The following HMCN2 variants were observed in gnomAD, a reference collection of about 807,000 sequenced individuals.
HMCN2 encodes the protein hemicentin-2.
Under a neutral mutation model 377.5 loss-of-function variants are expected in HMCN2, and 325 were observed. The observed-to-expected ratio is 0.86, with a 90% CI of 0.79 to 0.94. HMCN2 has a LOEUF of 0.94. HMCN2 is among the 40% of genes least tolerant of loss of function. The pLI is 0.00. For synonymous variants in HMCN2, 2,007 were observed against 2,046.8 expected (o/e 0.98, Z 0.53); for missense variants, 4,543 against 4,725.3 (o/e 0.96, Z 1.13).
intron 1 of HMCN2, among the ~76,000 whole-genome samples, chr9:130,268,004 C>T (rs1176133809): frequency 6.6e-6 from 1 of 152,232 alleles, no homozygotes; most frequent in African/African-American, 2.4e-5. Context: ...GTTGGAAAAA[C>T]TGAGGCTCAG....
In HMCN2 at chr9:130,397,483, C is replaced by A. The variant is rs991605356; in HGVS notation, c.11199-45C>A. 4 of 1,284,542 alleles carry A rather than the reference C, an allele frequency of 3.1e-6. No homozygotes were observed. In the African/African-American group the frequency reaches 6.1e-5, roughly 20 times the overall value. The allele number at this position is 1,284,542 out of a possible 1,614,324, so 79.6% of individuals were successfully genotyped here. ...TTGCTAGAGACAGCCTTGCTCCAGA[C>A]CCCACTGGCTTGCTCATCTCCAGGG... On this transcript the variant is annotated intron_variant, in intron 73 of 97. Coordinates refer to ENST00000683500, the MANE Select transcript of HMCN2 (RefSeq NM_001291815.2).
intron 85 of HMCN2, 124 bp downstream of exon 85, chr9:130,410,776 G>A: frequency 2.5e-6 from 2 of 788,998 alleles, no homozygotes; most frequent in Non-Finnish European, 4.3e-6. Flanking sequence ...TACTTACTTG[G>A]AACACACACT....
At chr9:130,429,820 T>A (rs1266133661) in intron 94 of HMCN2, 135 bp downstream of exon 94, 2 of 1,401,652 alleles carry the variant, frequency 1.4e-6, no homozygotes, top group Non-Finnish European at 9.4e-7. Flanking sequence ...GGGCTGAGGG[T>A]GTCTAAGGCG....
chr9:130,280,873 A>C (rs936153913), intron 1 of HMCN2, among the ~76,000 whole-genome samples: 1 of 152,172 alleles, frequency 6.6e-6, no homozygotes, highest in South Asian at 2.1e-4. Flanking sequence ...TGGGAGCCCA[A>C]TGCAGGCGGA....
chr9:130,377,317 G>T (rs1434054511), intron 52 of HMCN2, among the ~76,000 whole-genome samples: 1 of 151,912 alleles, frequency 6.6e-6, no homozygotes, highest in African/African-American at 2.4e-5. Context: ...GCTTCTTTAT[G>T]TTGGCCAGGC....
intron 77 of HMCN2, among the ~76,000 whole-genome samples, chr9:130,401,774 C>T (rs1200792307): frequency 6.6e-6 from 1 of 152,008 alleles, no homozygotes; most frequent in African/African-American, 2.4e-5. Flanking sequence ...TCTTCTGAAG[C>T]AATAGAACTT....
At chr9:130,352,463 G>A (rs2131528627) in intron 30 of HMCN2, among the ~76,000 whole-genome samples, 1 of 152,332 alleles carries the variant, frequency 6.6e-6, no homozygotes, top group Admixed American at 6.5e-5. Flanking sequence ...CGGATAGAAG[G>A]AGATTTGGGA....
chr9:130,348,612 G>A lies in HMCN2; in HGVS notation c.4092G>A (p.Thr1364=), dbSNP rs755795160. ...CGGGTATGGCCGGGCAGTCCCTGACGCTGGAGTGTGACGCGAACGGCTTTC... is the reference window on the plus strand; with the variant it reads ...CGGGTATGGCCGGGCAGTCCCTGACACTGGAGTGTGACGCGAACGGCTTTC... ...NVSGMAGQSL[T]LECDANGFPV... Residue 1364 remains threonine (T), a synonymous_variant, in exon 27 of 98, where the codon ACG becomes ACA. Coordinates refer to ENST00000683500, the MANE Select transcript of HMCN2 (RefSeq NM_001291815.2). 4 of 1,304,286 alleles carry A rather than the reference G, an allele frequency of 3.1e-6. No individual in the cohort carries two copies. Among genetic ancestry groups the A allele is most frequent in the Non-Finnish European group, 4.0e-6 (4 of 988,956 alleles). 80.8% of individuals were successfully genotyped at this position (1,304,286 alleles called of 1,614,324 possible). A position where few individuals can be genotyped will look rare whatever the true frequency, so the allele number is the denominator to read the frequency against.
At chr9:130,340,233 G>A (rs974631040) in intron 23 of HMCN2, among the ~76,000 whole-genome samples, 9 of 152,366 alleles carry the variant, frequency 5.9e-5, no homozygotes, top group South Asian at 2.1e-4. Flanking sequence ...ACGGGGCAGC[G>A]GTGATGCCCA....
chr9:130,374,613 T>C lies in HMCN2; in HGVS notation c.7550T>C (p.Leu2517Pro). 2.0e-6 allele frequency: 2 copies of C among 985,790 alleles called. No homozygotes were observed. Among genetic ancestry groups the C allele is most frequent in the Non-Finnish European group, 2.4e-6 (2 of 829,940 alleles). The allele number at this position is 985,790 out of a possible 1,614,324, so 61.1% of individuals were successfully genotyped here. ...GVLLQVLQAN[L>P]SSAGHYSCIA... ...CTCCTGCAGGTCCTCCAGGCAAACC[T>C]GTCCAGTGCTGGCCACTACTCCTGC... is the stretch of plus-strand genomic sequence containing the variant. Residue 2517 changes from leucine to proline, a missense_variant, in exon 49 of 98, where the codon CTG becomes CCG. Leu to Pro is a moderately conservative substitution (Grantham distance 98). Coordinates refer to ENST00000683500, the MANE Select transcript of HMCN2 (RefSeq NM_001291815.2).
intron 1 of HMCN2, among the ~76,000 whole-genome samples, chr9:130,272,610 C>T (rs1163409686): frequency 6.6e-6 from 1 of 152,084 alleles, no homozygotes; most frequent in Non-Finnish European, 1.5e-5. Flanking sequence ...GGCAGTGGCT[C>T]GATCATGGCT....
In HMCN2 at chr9:130,424,848, C is replaced by T. The variant is rs925075566; in HGVS notation, c.13454C>T (p.Ala4485Val). Reference protein sequence around the residue: ...YWALARESGEALNGHSLTGGR... With the variant: ...YWALARESGEVLNGHSLTGGR... ...GCCCTGGCCAGAGAGAGTGGGGAAG[C>T]CCTGAATGGCCACTCTCTGACTGGG... Residue 4485 changes from alanine to valine, a missense_variant, in exon 88 of 98, where the codon GCC (alanine) becomes GTC (valine). Ala to Val is a moderately conservative substitution (Grantham distance 64). Transcript: ENST00000683500. 1 of 1,491,226 alleles carries T rather than the reference C, an allele frequency of 6.7e-7. No homozygotes were observed. The highest frequency in any genetic ancestry group is 9.0e-7 in the Non-Finnish European group (1 of 1,115,374). The allele number at this position is 1,491,226 out of a possible 1,614,324, so 92.4% of individuals were successfully genotyped here. A position where few individuals can be genotyped will look rare whatever the true frequency, so the allele number is the denominator to read the frequency against.
intron 23 of HMCN2, among the ~76,000 whole-genome samples, chr9:130,339,036 AAATT>A (rs1431075293): frequency 0.29 from 44,671 of 151,580 alleles, 7,161 homozygotes; most frequent in African/African-American, 0.43. Flanking sequence ...AAAAAATAAA[AAATT>A]AACCACTTGC....
intron 66 of HMCN2, among the ~76,000 whole-genome samples, chr9:130,392,837 A>T (rs533051848): frequency 7.9e-5 from 12 of 152,092 alleles, no homozygotes; most frequent in Non-Finnish European, 1.2e-4. Flanking sequence ...TCTACTAAAA[A>T]TACAAAAAAT....
At chr9:130,416,794 A>G (rs55787454) in intron 85 of HMCN2, among the ~76,000 whole-genome samples, 2,531 of 151,912 alleles carry the variant, frequency 0.017, 81 homozygotes, top group African/African-American at 0.058. Flanking sequence ...CCTAGTCCCC[A>G]GGGCCTGTGA....
At chr9:130,333,056 C>A (rs1454830956) in intron 22 of HMCN2, among the ~76,000 whole-genome samples, 4 of 152,230 alleles carry the variant, frequency 2.6e-5, no homozygotes, top group African/African-American at 9.6e-5. Flanking sequence ...GGACCCGTGT[C>A]AATGAAGGCG....
At chr9:130,378,619 G>A (rs1564833997) in intron 53 of HMCN2, among the ~76,000 whole-genome samples, 3 of 151,908 alleles carry the variant, frequency 2.0e-5, no homozygotes, top group South Asian at 2.1e-4. Flanking sequence ...GAGGCAGGAG[G>A]CTGACAGGCA....
At chr9:130,427,458 G>T in intron 91 of HMCN2, 39 bp from the exon 92 acceptor site, 2 of 1,550,270 alleles carry the variant, frequency 1.3e-6, no homozygotes, top group South Asian at 2.4e-5. Flanking sequence ...TGGCAGGAGG[G>T]CCTGGGAGCG....
chr9:130,395,089 C>T lies in HMCN2; in HGVS notation c.10755C>T (p.Ser3585=), dbSNP rs1043768075. 4 of 1,254,134 alleles carry T rather than the reference C, an allele frequency of 3.2e-6. No individual in the cohort carries two copies. The South Asian group carries it at 5.0e-5, about 16-fold the overall frequency. 77.7% of individuals were successfully genotyped at this position (1,254,134 alleles called of 1,614,324 possible). ...GCCCTGCAGGTGCAATTGAGAAGAGCTTCCGGGTCAGGGTTCAAGGTAGGT... is the reference window on the plus strand; with the variant it reads ...GCCCTGCAGGTGCAATTGAGAAGAGTTTCCGGGTCAGGGTTCAAGGTAGGT... ...AESPAGAIEK[S]FRVRVQAPPN... The change falls in exon 70 of 98, where the codon AGC becomes AGT. Residue 3585 remains serine, a synonymous_variant. Transcript: ENST00000683500.
Sources: allele counts gnomAD v4.1 joint callset (sites outside exome capture counted in the v4.1 genomes callset), GRCh38; gene constraint gnomAD v4.1.1; transcripts MANE v1.5; gene names NCBI Gene and HGNC (gene_info 2026-07-23, HGNC 2026-07-21).